KLHDC7B: variants seen among roughly 807,000 people sequenced by gnomAD.
KLHDC7B encodes the protein kelch domain-containing protein 7B.
KLHDC7B carries 1 observed loss-of-function variant against 0.6 expected under a neutral mutation model. The ratio of observed to expected loss-of-function variants is 1.71; its 90% CI spans 0.61 to 8.11. The LOEUF (loss-of-function observed/expected upper bound fraction) is 8.11. KLHDC7B is among the 30% of genes most tolerant of loss of function. The pLI is 0.13. For missense variants in KLHDC7B, 993 were observed against 894.9 expected (o/e 1.11, Z -1.40); for synonymous variants, 462 against 405.2 (o/e 1.14, Z -1.68).
rs1447645512 is a variant in KLHDC7B at position 50,548,278 on chromosome 22, A to G, written c.2035A>G (p.Arg679Gly). The change falls in exon 1 of 1, where the codon AGA becomes GGA. Residue 679 changes from arginine (R) to glycine (G), a missense_variant. Physicochemically the swap from Arg to Gly is moderately radical, Grantham distance 125. Transcript: ENST00000648057. This position sits in a 1 kb window ranked among gnomAD's most constrained non-coding sequence, Gnocchi z 5.3. ...CAGCACTTCCACACACTCTGAGGAC[A>G]GACACGGCCCCTCTTCTTCAGTGGG... ...GPSTSTHSED[R>G]HGPSSSVGTV... 1 of 1,551,108 alleles carries G rather than the reference A, an allele frequency of 6.4e-7. No homozygotes were observed. Among genetic ancestry groups the G allele is most frequent in the South Asian group, 1.2e-5 (1 of 84,060 alleles).
chr22:50,546,495 T>C lies in KLHDC7B; in HGVS notation c.252T>C (p.Asp84=). The part of the protein sequence containing the change: ...LALQPKSKVS[D]GSEGQSPGQG... Reference sequence around the variant, plus strand: ...TGCAACCGAAGTCTAAGGTCAGTGATGGCAGCGAGGGGCAGAGCCCAGGGC... The same window carrying C: ...TGCAACCGAAGTCTAAGGTCAGTGACGGCAGCGAGGGGCAGAGCCCAGGGC... Residue 84 remains aspartate, a synonymous_variant, in exon 1 of 1, where the codon GAT becomes GAC. Transcript: ENST00000648057. 2.5e-6 allele frequency: 1 copy of C among 399,242 alleles called. No individual in the cohort carries two copies. The highest frequency in any genetic ancestry group is 4.4e-6 in the Non-Finnish European group (1 of 226,292). 24.7% of individuals were successfully genotyped at this position (399,242 alleles called of 1,614,324 possible).
Position 50,548,880 on chromosome 22 carries a change from G to A in KLHDC7B, c.2637G>A (p.Leu879=). ...CCCAGCAGCACGGAGAGCCCGGCCT[G>A]GCGCAGGAGACCTACGCGCTGATGA... ...AFAQQHGEPG[L]AQETYALMSD... The change falls in exon 1 of 1, where the codon CTG becomes CTA. Residue 879 remains leucine (L), a synonymous_variant. Coordinates refer to ENST00000648057, the MANE Select transcript of KLHDC7B (RefSeq NM_138433.5). This position sits in a 1 kb window ranked among gnomAD's most constrained non-coding sequence, Gnocchi z 5.3. 2.5e-6 allele frequency: 4 copies of A among 1,571,092 alleles called. No homozygotes were observed. The highest frequency in any genetic ancestry group is 3.4e-6 in the Non-Finnish European group (4 of 1,160,576).
Position 50,549,531 on chromosome 22 carries a change from C to G in KLHDC7B, c.3288C>G (p.Thr1096=), listed in dbSNP as rs760260427. 1 of 1,606,120 alleles carries G rather than the reference C, an allele frequency of 6.2e-7. No homozygotes were observed. The highest frequency in any genetic ancestry group is 8.5e-7 in the Non-Finnish European group (1 of 1,175,464). ...CCTGCCGTGGGGACATCTACGTCACCGGGGGTCACCTCTTCTACCGCCTGC... is the reference window on the plus strand; with the variant it reads ...CCTGCCGTGGGGACATCTACGTCACGGGGGGTCACCTCTTCTACCGCCTGC... ...AVACRGDIYV[T]GGHLFYRLLR... The change falls in exon 1 of 1, where the codon ACC becomes ACG. Residue 1096 remains threonine (T), a synonymous_variant. Transcript: ENST00000648057.
chr22:50,549,979 C>A lies in KLHDC7B; in HGVS notation c.*28C>A. On this transcript the variant is annotated 3_prime_UTR_variant, in exon 1 of 1. Transcript: ENST00000648057. ...GGCAGGCAGAGAACCAAAGCTGCTT[C>A]GCTGCTCTCCAGGGAGACCCTCCTG... The A allele has an allele frequency of 6.7e-7, 1 of 1,502,762 alleles. No individual in the cohort carries two copies. Among genetic ancestry groups the A allele is most frequent in the East Asian group, 2.4e-5 (1 of 41,378 alleles). The allele number at this position is 1,502,762 out of a possible 1,614,324, so 93.1% of individuals were successfully genotyped here. A position where few individuals can be genotyped will look rare whatever the true frequency, so the allele number is the denominator to read the frequency against.
At position 50,550,239 on chromosome 22, in the gene KLHDC7B, T is replaced by G; in HGVS notation, c.*288T>G. 41 of 394,956 alleles carry G rather than the reference T, an allele frequency of 1.0e-4. No homozygotes were observed. Among genetic ancestry groups the G allele is most frequent in the East Asian group, 3.0e-4 (7 of 23,612 alleles). 24.5% of individuals were successfully genotyped at this position (394,956 alleles called of 1,614,324 possible). A position where few individuals can be genotyped will look rare whatever the true frequency, so the allele number is the denominator to read the frequency against. ...ACCCCCCTGTCTGTGGGACTCCCTATTCCCTAGAGCCAGGGACTGATGCGT... is the reference window on the plus strand; with the variant it reads ...ACCCCCCTGTCTGTGGGACTCCCTAGTCCCTAGAGCCAGGGACTGATGCGT... On this transcript the variant is annotated 3_prime_UTR_variant, in exon 1 of 1. Transcript: ENST00000648057.
In KLHDC7B at chr22:50,549,089, C is replaced by T. The variant is rs2069772019; in HGVS notation, c.2846C>T (p.Pro949Leu). 1.2e-6 allele frequency: 2 copies of T among 1,600,500 alleles called. No individual in the cohort carries two copies. The highest frequency in any genetic ancestry group is 8.5e-7 in the Non-Finnish European group (1 of 1,179,492). The change falls in exon 1 of 1, where the codon CCT (proline) becomes CTT (leucine). Residue 949 changes from proline to leucine, a missense_variant. Physicochemically the swap from Pro to Leu is moderately conservative, Grantham distance 98. Coordinates refer to ENST00000648057, the MANE Select transcript of KLHDC7B (RefSeq NM_138433.5). ...GLPRGPRGEE[P>L]PAAAPVSLPL... is the part of the protein sequence containing the mutation. The stretch of plus-strand genomic sequence containing the variant: ...CCCAGGGGCCCTCGTGGCGAGGAGC[C>T]TCCTGCGGCGGCCCCTGTGTCCCTG...
In KLHDC7B at chr22:50,547,022, G is replaced by T. The variant is rs1320839266; in HGVS notation, c.779G>T (p.Trp260Leu). ...CGCCTGGGCGCCGCGGGGAGCGTGT[G>T]GGACGCGGTGGACGGGGCCGCCGCC... ...PLRLGAAGSV[W>L]DAVDGAAALD... The change falls in exon 1 of 1, where the codon TGG becomes TTG. Residue 260 changes from tryptophan to leucine, a missense_variant. By Grantham distance (61) the Trp-to-Leu change is moderately conservative. Transcript: ENST00000648057. Among the ~76,000 whole-genome samples, 5 of 150,968 alleles carry T rather than the reference G, an allele frequency of 3.3e-5. No individual in the cohort carries two copies. The highest frequency in any genetic ancestry group is 1.3e-4 in the Admixed American group (2 of 15,166).
rs369055801 is a variant in KLHDC7B at position 50,549,163 on chromosome 22, C to T, written c.2920C>T (p.Arg974Trp). 6.2e-6 allele frequency: 10 copies of T among 1,604,428 alleles called. No individual in the cohort carries two copies. The African/African-American group carries it at 8.0e-5, about 13-fold the overall frequency. The change falls in exon 1 of 1, where the codon CGG becomes TGG. Residue 974 changes from arginine to tryptophan, a missense_variant. By Grantham distance (101) the Arg-to-Trp change is moderately radical. Transcript: ENST00000648057. ...HVFNPRENTWRPLTQVPEEAP... is the reference protein window; with the variant it reads ...HVFNPRENTWWPLTQVPEEAP... ...GTTCAACCCCCGGGAGAACACCTGG[C>T]GGCCCCTGACCCAGGTGCCCGAGGA...
rs115170030 is a variant in KLHDC7B at position 50,549,712 on chromosome 22, G to T, written c.3469G>T (p.Gly1157Cys). 78 of 1,582,056 alleles carry T rather than the reference G, an allele frequency of 4.9e-5. 1 individual carries two copies. Among genetic ancestry groups the T allele is most frequent in the Non-Finnish European group, 3.8e-5 (44 of 1,165,464 alleles). The change falls in exon 1 of 1, where the codon GGC becomes TGC. Residue 1157 changes from glycine to cysteine, a missense_variant. Gly to Cys is a radical substitution (Grantham distance 159). Coordinates refer to ENST00000648057, the MANE Select transcript of KLHDC7B (RefSeq NM_138433.5). ...AAVMRYNTVTGSWSRAASLPL... is the reference protein window; with the variant it reads ...AAVMRYNTVTCSWSRAASLPL... Reference sequence around the variant, plus strand: ...CGTGATGCGCTACAACACAGTGACCGGCTCCTGGAGCAGGGCTGCCTCCCT... The same window carrying T: ...CGTGATGCGCTACAACACAGTGACCTGCTCCTGGAGCAGGGCTGCCTCCCT...
Position 50,549,931 on chromosome 22 carries a change from C to G in KLHDC7B, c.3688C>G (p.Arg1230Gly). The change falls in exon 1 of 1, where the codon CGG (arginine) becomes GGG (glycine). Residue 1230 changes from arginine to glycine, a missense_variant. Coordinates refer to ENST00000648057, the MANE Select transcript of KLHDC7B (RefSeq NM_138433.5). The part of the protein sequence containing the change: ...PFILTLPPED[R>G]LQTSL The stretch of plus-strand genomic sequence containing the variant: ...CATCCTGACTCTGCCCCCTGAGGAC[C>G]GGCTGCAGACCTCACTCTGAGTGGC... 1.3e-6 allele frequency: 2 copies of G among 1,572,152 alleles called. No homozygotes were observed. The highest frequency in any genetic ancestry group is 1.7e-6 in the Non-Finnish European group (2 of 1,154,790).
Position 50,548,236 on chromosome 22 carries a change from G to A in KLHDC7B, c.1993G>A (p.Gly665Arg), listed in dbSNP as rs936521010. Residue 665 changes from glycine (G) to arginine (R), a missense_variant, in exon 1 of 1, where the codon GGG (glycine) becomes AGG (arginine). Physicochemically the swap from Gly to Arg is moderately radical, Grantham distance 125. Transcript: ENST00000648057. This position sits in a 1 kb window ranked among gnomAD's most constrained non-coding sequence, Gnocchi z 5.3. ...PQGSVPRAVPGSPVGPSTSTH... is the reference protein window; with the variant it reads ...PQGSVPRAVPRSPVGPSTSTH... ...AGGGAGTGTCCCGAGGGCGGTTCCC[G>A]GGAGCCCCGTGGGTCCCAGCACTTC... is the stretch of plus-strand genomic sequence containing the variant. 1 of 1,550,570 alleles carries A rather than the reference G, an allele frequency of 6.4e-7. No homozygotes were observed. The highest frequency in any genetic ancestry group is 1.2e-5 in the South Asian group (1 of 84,008).
At position 50,546,968 on chromosome 22, in the gene KLHDC7B, C is replaced by T. The variant is rs556302259; in HGVS notation, c.725C>T (p.Ala242Val). Among the ~76,000 whole-genome samples the T allele has an allele frequency of 4.3e-3, 659 of 151,654 alleles. 3 individuals carry two copies. Among genetic ancestry groups the T allele is most frequent in the Non-Finnish European group, 7.6e-3 (518 of 67,792 alleles). ...RRMDAGSGDRARRPRKLDPLR... is the reference protein window; with the variant it reads ...RRMDAGSGDRVRRPRKLDPLR... ...ATGGACGCTGGCTCGGGAGACAGAG[C>T]CCGCCGCCCCCGGAAACTGGACCCG... Residue 242 changes from alanine to valine, a missense_variant, in exon 1 of 1, where the codon GCC becomes GTC. Physicochemically the swap from Ala to Val is moderately conservative, Grantham distance 64. Coordinates refer to ENST00000648057, the MANE Select transcript of KLHDC7B (RefSeq NM_138433.5).
chr22:50,547,724 C>A, upstream of KLHDC7B: 1 of 475,756 alleles, frequency 2.1e-6, no homozygotes, highest in Non-Finnish European at 3.7e-6. Flanking sequence ...GCACCAACCT[C>A]AGCCACCACC....
At position 50,548,776 on chromosome 22, in the gene KLHDC7B, C is replaced by G. The variant is rs1051575969; in HGVS notation, c.2533C>G (p.Arg845Gly). ...GGAGGGGCCCCGGAAGCCCAGCTCC[C>G]GGGCCCTGGAGCCCGCCACGGCGGC... ...VVEGPRKPSS[R>G]ALEPATAAAL... is the part of the protein sequence containing the mutation. Residue 845 changes from arginine (R) to glycine (G), a missense_variant, in exon 1 of 1, where the codon CGG becomes GGG. Coordinates refer to ENST00000648057, the MANE Select transcript of KLHDC7B (RefSeq NM_138433.5). The surrounding 1 kb of genome is among the most constrained non-coding windows in gnomAD (Gnocchi z 5.3). 6.9e-6 allele frequency: 10 copies of G among 1,450,290 alleles called. No homozygotes were observed. Among genetic ancestry groups the G allele is most frequent in the South Asian group, 4.3e-5 (3 of 69,220 alleles). The allele number at this position is 1,450,290 out of a possible 1,614,324, so 89.8% of individuals were successfully genotyped here.
At position 50,549,508 on chromosome 22, in the gene KLHDC7B, T is replaced by C. The variant is rs1185979241; in HGVS notation, c.3265T>C (p.Cys1089Arg). 6.2e-7 allele frequency: 1 copy of C among 1,611,052 alleles called. No homozygotes were observed. Among genetic ancestry groups the C allele is most frequent in the South Asian group, 1.1e-5 (1 of 90,952 alleles). ...CCCTGTGGCCCACGAGGCTGTGGCC[T>C]GCCGTGGGGACATCTACGTCACCGG... ...TFPVAHEAVA[C>R]RGDIYVTGGH... Residue 1089 changes from cysteine (C) to arginine (R), a missense_variant, in exon 1 of 1, where the codon TGC becomes CGC. Physicochemically the swap from Cys to Arg is radical, Grantham distance 180. Coordinates refer to ENST00000648057, the MANE Select transcript of KLHDC7B (RefSeq NM_138433.5).
chr22:50,549,362 A>C lies in KLHDC7B; in HGVS notation c.3119A>C (p.Lys1040Thr). 5.6e-6 allele frequency: 9 copies of C among 1,612,890 alleles called. No homozygotes were observed. Among genetic ancestry groups the C allele is most frequent in the Non-Finnish European group, 7.6e-6 (9 of 1,179,948 alleles). The change falls in exon 1 of 1, where the codon AAG becomes ACG. Residue 1040 changes from lysine (K) to threonine (T), a missense_variant. Lys to Thr is a moderately conservative substitution (Grantham distance 78). Transcript: ENST00000648057. The stretch of plus-strand genomic sequence containing the variant: ...ATGCAGCAGGCCCGAGCCCAGCTCA[A>C]GCTGGTGGCCCTGGACGGGCTGCTC... ...RPMQQARAQLKLVALDGLLYA... is the reference protein window; with the variant it reads ...RPMQQARAQLTLVALDGLLYA...
rs6009987 is a variant in KLHDC7B at position 50,547,359 on chromosome 22, C to G, written c.1116C>G (p.Ala372=). ...QGPGATGAYD[A]GEAGADSSRD... is the part of the protein sequence containing the mutation. ...CGGGTGCCACAGGGGCCTACGATGC[C>G]GGCGAGGCCGGGGCTGACAGCTCCC... is the stretch of plus-strand genomic sequence containing the variant. Residue 372 remains alanine, a synonymous_variant, in exon 1 of 1, where the codon GCC becomes GCG. Coordinates refer to ENST00000648057, the MANE Select transcript of KLHDC7B (RefSeq NM_138433.5). Among the ~76,000 whole-genome samples the G allele has an allele frequency of 0.02, 3,103 of 151,714 alleles. 54 individuals are homozygous for G. Among genetic ancestry groups the G allele is most frequent in the African/African-American group, 0.053 (2,192 of 41,360 alleles).
Position 50,549,460 on chromosome 22 carries a change from G to A in KLHDC7B, c.3217G>A (p.Ala1073Thr), listed in dbSNP as rs371425484. ...GCGAACAGACGCCTGGACCCCACGC[G>A]CGCCACTCCCCGCAGGCACCTTCCC... ...DPRTDAWTPRAPLPAGTFPVA... is the reference protein window; with the variant it reads ...DPRTDAWTPRTPLPAGTFPVA... The change falls in exon 1 of 1, where the codon GCG becomes ACG. Residue 1073 changes from alanine (A) to threonine (T), a missense_variant. By Grantham distance (58) the Ala-to-Thr change is moderately conservative (BLOSUM62 0). Coordinates refer to ENST00000648057, the MANE Select transcript of KLHDC7B (RefSeq NM_138433.5). 19 of 1,612,440 alleles carry A rather than the reference G, an allele frequency of 1.2e-5. No individual in the cohort carries two copies. The highest frequency in any genetic ancestry group is 1.4e-5 in the Non-Finnish European group (17 of 1,179,908).
At position 50,547,303 on chromosome 22, in the gene KLHDC7B, C is replaced by T. The variant is rs5770883; in HGVS notation, c.1060C>T (p.Pro354Ser). Reference protein sequence around the residue: ...DSTRPWLESPPQGRPLSSQGP... With the variant: ...DSTRPWLESPSQGRPLSSQGP... Reference sequence around the variant, plus strand: ...CACGCGCCCCTGGCTAGAGAGTCCGCCTCAAGGTCGCCCACTCTCGTCCCA... The same window carrying T: ...CACGCGCCCCTGGCTAGAGAGTCCGTCTCAAGGTCGCCCACTCTCGTCCCA... Residue 354 changes from proline (P) to serine (S), a missense_variant, in exon 1 of 1, where the codon CCT (proline) becomes TCT (serine). Pro to Ser is a moderately conservative substitution (Grantham distance 74). Coordinates refer to ENST00000648057, the MANE Select transcript of KLHDC7B (RefSeq NM_138433.5). Among the ~76,000 whole-genome samples the T allele has an allele frequency of 0.11, 16,306 of 151,778 alleles. 1,289 individuals are homozygous for T. The highest frequency in any genetic ancestry group is 0.35 in the East Asian group (1,797 of 5,064).
Sources: allele counts gnomAD v4.1 joint callset (sites outside exome capture counted in the v4.1 genomes callset), GRCh38; gene constraint gnomAD v4.1.1; non-coding constraint Gnocchi (gnomAD v3.1); transcripts MANE v1.5; gene names NCBI Gene and HGNC (gene_info 2026-07-23, HGNC 2026-07-21).